The following SLC35F1 variants were observed in gnomAD, a reference collection of about 807,000 sequenced individuals.
SLC35F1 encodes solute carrier family 35 member F1, also known as chromosome 6 open reading frame 169.
In SLC35F1, 14 loss-of-function variants were observed where a neutral mutation model predicts 48.7. The ratio of observed to expected loss-of-function variants is 0.29; its 90% confidence interval spans 0.19 to 0.45. The LOEUF is 0.45. SLC35F1 is among the 20% of genes least tolerant of loss of function. The pLI is 1.00. For missense variants in SLC35F1, 404 were observed against 500.0 expected (o/e 0.81, Z 1.83); for synonymous variants, 190 against 202.2 (o/e 0.94, Z 0.51).
Position 118,124,451 on chromosome 6 carries a change from T to A in SLC35F1, c.174-29994T>A, listed in dbSNP as rs147663276. Among the ~76,000 whole-genome samples, 1,005 of 152,272 alleles carry A rather than the reference T, an allele frequency of 6.6e-3. 8 individuals are homozygous for A. Among genetic ancestry groups the A allele is most frequent in the Middle Eastern group, 0.014 (4 of 294 alleles). On this transcript the variant is annotated intron_variant, in intron 1 of 7. Coordinates refer to ENST00000360388, the MANE Select transcript of SLC35F1 (RefSeq NM_001029858.4). ...TTCAGTCTTGGAGCCCAAGAGCCCA[T>A]CTATGTATTGGAACCTTTATATTCC...
chr6:118,000,200 A>G (rs1777070144), intron 1 of SLC35F1, among the ~76,000 whole-genome samples: 2 of 152,232 alleles, frequency 1.3e-5, no homozygotes, highest in African/African-American at 4.8e-5. Context: ...AAAATCCTCA[A>G]TAAAATACTG....
chr6:118,224,939 A>G (rs1335066300), intron 2 of SLC35F1, among the ~76,000 whole-genome samples: 2 of 152,176 alleles, frequency 1.3e-5, no homozygotes, highest in Non-Finnish European at 2.9e-5. Flanking sequence ...GACTTCCAGT[A>G]TTATTGAAGA....
chr6:118,067,959 A>G (rs1294264548), intron 1 of SLC35F1, among the ~76,000 whole-genome samples: 1 of 152,128 alleles, frequency 6.6e-6, no homozygotes, highest in Non-Finnish European at 1.5e-5. Flanking sequence ...GCTTAAAACA[A>G]CACAAATTTA....
chr6:118,153,595 T>C (rs1371942580), intron 1 of SLC35F1, among the ~76,000 whole-genome samples: 1 of 152,172 alleles, frequency 6.6e-6, no homozygotes, highest in Non-Finnish European at 1.5e-5. Flanking sequence ...AGCATGTGGG[T>C]GTATGTGACC....
rs145665491 is a variant in SLC35F1, at chr6:118,257,558, A to C, written c.478-9437A>C. ...CTTTTAGGTGAACCATGTAGAATAC[A>C]ACCAATTTGACCTACAAATGTGGCA... On this transcript the variant is annotated intron_variant, in intron 3 of 7. Coordinates refer to ENST00000360388, the MANE Select transcript of SLC35F1 (RefSeq NM_001029858.4). 8.0e-3 allele frequency among the ~76,000 whole-genome samples: 1,225 copies of C among 152,318 alleles called. 10 individuals carry two copies. Among genetic ancestry groups the C allele is most frequent in the Middle Eastern group, 0.024 (7 of 294 alleles).
intron 1 of SLC35F1, among the ~76,000 whole-genome samples, chr6:117,978,195 C>G (rs1776728498): frequency 6.6e-6 from 1 of 152,020 alleles, no homozygotes; most frequent in African/African-American, 2.4e-5. Flanking sequence ...TTTTTTCATG[C>G]TTTAGAAATG....
chr6:117,966,641 A>G (rs1776575036), intron 1 of SLC35F1, among the ~76,000 whole-genome samples: 1 of 152,100 alleles, frequency 6.6e-6, no homozygotes, highest in African/African-American at 2.4e-5. Context: ...GAACCAACCA[A>G]TTCTGGACAC....
chr6:117,992,846 T>G (rs922876755), intron 1 of SLC35F1, among the ~76,000 whole-genome samples: 1 of 152,240 alleles, frequency 6.6e-6, no homozygotes, highest in African/African-American at 2.4e-5. Context: ...TTTAGTTTCA[T>G]TAGCTTCACC....
At chr6:118,294,566 A>G (rs1334902205) in intron 7 of SLC35F1, among the ~76,000 whole-genome samples, 2 of 152,224 alleles carry the variant, frequency 1.3e-5, no homozygotes, top group Non-Finnish European at 2.9e-5. Context: ...TAAAGTTGAG[A>G]GTAATTTCAT....
chr6:118,001,688 C>T lies in SLC35F1; in HGVS notation c.173+93789C>T, dbSNP rs978458952. Among the ~76,000 whole-genome samples the T allele has an allele frequency of 1.2e-4, 18 of 152,120 alleles. 1 individual carries two copies. The highest frequency in any genetic ancestry group is 3.6e-4 in the African/African-American group (15 of 41,502). ...AACCTACAAAATGGAAGAAAATTTT[C>T]ACATCCTACTTATCTGACAAAGGGC... On this transcript the variant is annotated intron_variant, in intron 1 of 7. Coordinates refer to ENST00000360388, the MANE Select transcript of SLC35F1 (RefSeq NM_001029858.4).
chr6:118,005,043 G>T (rs17079625), intron 1 of SLC35F1, among the ~76,000 whole-genome samples: 47,284 of 151,996 alleles, frequency 0.31, 7,496 homozygotes, highest in Admixed American at 0.38. Flanking sequence ...AAAAGGAAAA[G>T]GTTATCTCAG....
chr6:118,118,008 T>C (rs1219638170), intron 1 of SLC35F1, among the ~76,000 whole-genome samples: 3 of 152,204 alleles, frequency 2.0e-5, no homozygotes, highest in Non-Finnish European at 4.4e-5. Flanking sequence ...TCCTTGCAGT[T>C]TTTGGCTGTT....
intron 1 of SLC35F1, among the ~76,000 whole-genome samples, chr6:118,082,211 G>T (rs919256899): frequency 2.0e-5 from 3 of 152,128 alleles, no homozygotes; most frequent in Admixed American, 1.3e-4. Flanking sequence ...AACCAAGTAG[G>T]TGATTCTAGT....
chr6:118,058,512 G>C (rs1233861513), intron 1 of SLC35F1, among the ~76,000 whole-genome samples: 1 of 151,932 alleles, frequency 6.6e-6, no homozygotes, highest in Non-Finnish European at 1.5e-5. Flanking sequence ...TATAGAACAA[G>C]GTGGGAAATA....
At chr6:118,238,560 T>A (rs1488937854) in intron 3 of SLC35F1, among the ~76,000 whole-genome samples, 1 of 152,090 alleles carries the variant, frequency 6.6e-6, no homozygotes, top group Non-Finnish European at 1.5e-5. Context: ...CTCATTTTTG[T>A]TTTTCGTTTT....
intron 1 of SLC35F1, among the ~76,000 whole-genome samples, chr6:117,943,279 T>C (rs1776255434): frequency 6.6e-6 from 1 of 152,194 alleles, no homozygotes; most frequent in Non-Finnish European, 1.5e-5. Context: ...TTAAGTGTTA[T>C]TATAATTTTT....
At chr6:118,199,812 G>A (rs1774850043) in intron 2 of SLC35F1, among the ~76,000 whole-genome samples, 1 of 152,026 alleles carries the variant, frequency 6.6e-6, no homozygotes, top group South Asian at 2.1e-4. Flanking sequence ...TCATAAAATA[G>A]CATACTAAAA....
intron 2 of SLC35F1, among the ~76,000 whole-genome samples, chr6:118,180,144 A>G (rs1223224014): frequency 6.6e-6 from 1 of 152,192 alleles, no homozygotes; most frequent in Non-Finnish European, 1.5e-5. Context: ...GCTAGAAAGC[A>G]TATTATCTGT....
intron 3 of SLC35F1, among the ~76,000 whole-genome samples, chr6:118,254,409 G>A (rs1775616962): frequency 2.0e-5 from 3 of 152,064 alleles, no homozygotes; most frequent in Non-Finnish European, 2.9e-5. Flanking sequence ...AGCCTCCCAC[G>A]TGGCTGGGAC....
Sources: gnomAD v4.1 joint callset for allele counts (sites outside exome capture counted in the v4.1 genomes callset) on GRCh38, gnomAD v4.1.1 for gene constraint, MANE v1.5 for transcripts, NCBI Gene and HGNC (gene_info 2026-07-23, HGNC 2026-07-21) for gene names.